Variants in COL5A2 observed in about 807,000 individuals in gnomAD.
The protein encoded by COL5A2 is collagen alpha-2(V) chain.
Under a neutral mutation model 208.2 loss-of-function variants are expected in COL5A2, and 23 were observed. The ratio of observed to expected loss-of-function variants is 0.11; its 90% CI spans 0.08 to 0.16. The LOEUF (loss-of-function observed/expected upper bound fraction) is 0.16. COL5A2 is among the 10% of genes least tolerant of loss of function. The pLI is 1.00. For synonymous variants in COL5A2, 625 were observed against 628.5 expected, an observed-to-expected ratio of 0.99 and a Z score of 0.08; for missense variants, 1,590 against 1,956.4, an observed-to-expected ratio of 0.81 and a Z score of 3.53.
the COL5A2 span, among the ~76,000 whole-genome samples, chr2:189,400,787 T>C: frequency 1.3e-5 from 2 of 152,198 alleles, no homozygotes; most frequent in Non-Finnish European, 2.9e-5. Flanking sequence ...TGATTAAAAT[T>C]ATACAAGGAC....
chr2:189,119,318 T>C (rs1687455881), intron 1 of COL5A2, among the ~76,000 whole-genome samples: 1 of 152,082 alleles, frequency 6.6e-6, no homozygotes, highest in Non-Finnish European at 1.5e-5. Flanking sequence ...CTTCTTTCCA[T>C]GTAACTTTAC....
chr2:189,247,975 A>G, the COL5A2 span, among the ~76,000 whole-genome samples: 40 of 152,258 alleles, frequency 2.6e-4, no homozygotes, highest in Non-Finnish European at 4.8e-4. Context: ...TGAATATTCA[A>G]AAGCTTTAAA....
intron 1 of COL5A2, among the ~76,000 whole-genome samples, chr2:189,178,680 A>C (rs1413017303): frequency 1.3e-5 from 2 of 151,038 alleles, no homozygotes; most frequent in African/African-American, 4.9e-5. Context: ...CATAGGAAAA[A>C]AATGTGGTCA....
chr2:189,203,110 A>G (rs1689098601), intron 1 of COL5A2, among the ~76,000 whole-genome samples: 1 of 152,230 alleles, frequency 6.6e-6, no homozygotes, highest in African/African-American at 2.4e-5. Flanking sequence ...AGAAAAGATG[A>G]GTACTTGAAA....
At chr2:189,205,438 T>C (rs550730459) in intron 1 of COL5A2, among the ~76,000 whole-genome samples, 3 of 152,318 alleles carry the variant, frequency 2.0e-5, no homozygotes, top group East Asian at 1.9e-4. Context: ...TTAATTACAA[T>C]GTGAGGTTAC....
the COL5A2 span, among the ~76,000 whole-genome samples, chr2:189,307,072 T>C: frequency 6.6e-6 from 1 of 152,234 alleles, no homozygotes; most frequent in Non-Finnish European, 1.5e-5. Flanking sequence ...TTCATTGATA[T>C]ATTTCTTAAA....
At chr2:189,439,808 A>G in the COL5A2 span, among the ~76,000 whole-genome samples, 1 of 152,254 alleles carries the variant, frequency 6.6e-6, no homozygotes, top group Non-Finnish European at 1.5e-5. Context: ...GTTACCATAC[A>G]GTAACATACA....
the COL5A2 span, among the ~76,000 whole-genome samples, chr2:189,348,393 AAAG>A: frequency 6.6e-6 from 1 of 152,196 alleles, no homozygotes; most frequent in African/African-American, 2.4e-5. Flanking sequence ...CCCAGTTATG[AAAG>A]AAGATGAACA....
At chr2:189,294,820 A>T in the COL5A2 span, among the ~76,000 whole-genome samples, 1 of 152,086 alleles carries the variant, frequency 6.6e-6, no homozygotes, top group African/African-American at 2.4e-5. Flanking sequence ...GTTTTTTGGC[A>T]CAGAGTCTTG....
chr2:189,149,230 T>C (rs1421083659), intron 1 of COL5A2, among the ~76,000 whole-genome samples: 1 of 152,192 alleles, frequency 6.6e-6, no homozygotes, highest in Non-Finnish European at 1.5e-5. Flanking sequence ...TGTGCTAATG[T>C]TAGGTGAAGA....
At chr2:189,284,037 C>G in the COL5A2 span, among the ~76,000 whole-genome samples, 3 of 152,106 alleles carry the variant, frequency 2.0e-5, no homozygotes, top group Non-Finnish European at 4.4e-5. Flanking sequence ...AGAAACAATT[C>G]AGGTCATGAA....
At chr2:189,415,374 G>A in the COL5A2 span, among the ~76,000 whole-genome samples, 2 of 152,096 alleles carry the variant, frequency 1.3e-5, no homozygotes, top group Non-Finnish European at 2.9e-5. Flanking sequence ...CCTGCAGGAT[G>A]TATGCTATTA....
chr2:189,136,366 T>C lies in COL5A2; in HGVS notation c.98-25917A>G, dbSNP rs116719621. ...ACATATTTATATATATGCTTATATA[T>C]GTATATACTTATATATATGTAAAAG... On this transcript the variant is annotated intron_variant, in intron 1 of 53. Transcript: ENST00000374866. 4.4e-3 allele frequency among the ~76,000 whole-genome samples: 669 copies of C among 150,566 alleles called. 2 individuals carry two copies. Among genetic ancestry groups the C allele is most frequent in the African/African-American group, 0.016 (650 of 41,228 alleles).
intron 1 of COL5A2, among the ~76,000 whole-genome samples, chr2:189,146,232 G>T (rs1688037482): frequency 6.6e-6 from 1 of 152,010 alleles, no homozygotes; most frequent in African/African-American, 2.4e-5. Context: ...AATAATTAGG[G>T]ATCAAATTAT....
At chr2:189,069,591 T>A (rs898347821) in intron 18 of COL5A2, among the ~76,000 whole-genome samples, 8 of 152,176 alleles carry the variant, frequency 5.3e-5, no homozygotes, top group Non-Finnish European at 8.8e-5. Context: ...CATGCAATCA[T>A]CAGAGGATAA....
chr2:189,232,268 AG>A, the COL5A2 span, among the ~76,000 whole-genome samples: 1 of 151,818 alleles, frequency 6.6e-6, no homozygotes, highest in African/African-American at 2.4e-5. Context: ...CTAATTTCCC[AG>A]GTGGGTAAGG....
intron 2 of COL5A2, among the ~76,000 whole-genome samples, chr2:189,106,744 A>T (rs1559107160): frequency 6.6e-6 from 1 of 151,330 alleles, no homozygotes; most frequent in Non-Finnish European, 1.5e-5. Flanking sequence ...ATATTGTATT[A>T]TGTTAGTATC....
At chr2:189,126,554 T>C (rs1191129412) in intron 1 of COL5A2, among the ~76,000 whole-genome samples, 1 of 152,082 alleles carries the variant, frequency 6.6e-6, no homozygotes, top group East Asian at 1.9e-4. Flanking sequence ...GGAAATCAGC[T>C]CTTTGGCTTC....
chr2:189,418,302 A>G, the COL5A2 span, among the ~76,000 whole-genome samples: 1 of 152,200 alleles, frequency 6.6e-6, no homozygotes, highest in Non-Finnish European at 1.5e-5. Flanking sequence ...TGGGGATATG[A>G]TAAGAAAATC....
Sources: gnomAD v4.1 joint callset for allele counts (sites outside exome capture counted in the v4.1 genomes callset) on GRCh38, gnomAD v4.1.1 for gene constraint, MANE v1.5 for transcripts, NCBI Gene and HGNC (gene_info 2026-07-23, HGNC 2026-07-21) for gene names.